The following DMRT1 variants were observed in gnomAD, a reference collection of about 807,000 sequenced individuals.
DMRT1 encodes doublesex and mab-3 related transcription factor 1, also known as doublesex- and mab-3-related transcription factor 1.
DMRT1 carries 7 observed loss-of-function variants against 32.3 expected under a neutral mutation model. That is an observed-to-expected ratio of 0.22 (90% confidence interval 0.12 to 0.41). The LOEUF (loss-of-function observed/expected upper bound fraction) is 0.41. Among genes scored for constraint, DMRT1 ranks in the 10% least tolerant of loss-of-function variants. DMRT1 has a pLI of 1.00. For missense variants in DMRT1, 625 were observed against 500.5 expected (o/e 1.25, Z -2.37); for synonymous variants, 278 against 206.1 (o/e 1.35, Z -2.99).
At chr9:962,800 G>A (rs576769201) in intron 4 of DMRT1, among the ~76,000 whole-genome samples, 8 of 152,248 alleles carry the variant, frequency 5.3e-5, no homozygotes, top group Non-Finnish European at 1.0e-4. Flanking sequence ...AAGTGGGGGA[G>A]TAAGTTTGAT....
chr9:966,309 C>CT (rs1349243940), intron 4 of DMRT1, among the ~76,000 whole-genome samples: 1 of 151,942 alleles, frequency 6.6e-6, no homozygotes, highest in Non-Finnish European at 1.5e-5. Context: ...CATATGCGTG[C>CT]TTTTTTGTTA....
At chr9:937,213 C>G (rs181060021) in intron 4 of DMRT1, among the ~76,000 whole-genome samples, 14 of 152,326 alleles carry the variant, frequency 9.2e-5, no homozygotes, top group Non-Finnish European at 1.3e-4. Context: ...ATTGCATTGC[C>G]TGTGTGCGCC....
chr9:855,310 A>C (rs1815351019), intron 2 of DMRT1, among the ~76,000 whole-genome samples: 1 of 152,226 alleles, frequency 6.6e-6, no homozygotes, highest in Non-Finnish European at 1.5e-5. Context: ...ACAGGGGTTA[A>C]AGTTACAAAT....
intron 2 of DMRT1, among the ~76,000 whole-genome samples, chr9:854,388 A>G (rs986093777): frequency 1.3e-5 from 2 of 152,102 alleles, no homozygotes; most frequent in African/African-American, 2.4e-5. Flanking sequence ...AGATCAAGTG[A>G]TTCTCGTGCC....
At chr9:877,760 C>T (rs571557739) in intron 2 of DMRT1, among the ~76,000 whole-genome samples, 1 of 152,284 alleles carries the variant, frequency 6.6e-6, no homozygotes, top group Non-Finnish European at 1.5e-5. Context: ...ATAAAGGGCT[C>T]CAGATAATTC....
chr9:958,592 C>G (rs1819670691), intron 4 of DMRT1, among the ~76,000 whole-genome samples: 1 of 152,204 alleles, frequency 6.6e-6, no homozygotes, highest in Admixed American at 6.5e-5. Flanking sequence ...GTCTCAAACT[C>G]CTGACCTCAG....
chr9:930,406 T>A (rs1322702474), intron 4 of DMRT1, among the ~76,000 whole-genome samples: 1 of 151,838 alleles, frequency 6.6e-6, no homozygotes, highest in Non-Finnish European at 1.5e-5. Context: ...CTATTTTTTT[T>A]ATTAAAAAAA....
chr9:857,645 C>T (rs979497043), intron 2 of DMRT1, among the ~76,000 whole-genome samples: 1 of 151,818 alleles, frequency 6.6e-6, no homozygotes, highest in African/African-American at 2.4e-5. Context: ...TATTATTATA[C>T]TTTAAGTTTT....
chr9:860,503 A>G (rs977811993), intron 2 of DMRT1, among the ~76,000 whole-genome samples: 2 of 151,964 alleles, frequency 1.3e-5, no homozygotes, highest in Admixed American at 6.6e-5. Context: ...TCGTTCAACA[A>G]ATGTTCATTC....
rs192506931 is a variant in DMRT1, at chr9:871,420, C to T, written c.539-22492C>T. Among the ~76,000 whole-genome samples, 726 of 151,034 alleles carry T rather than the reference C, an allele frequency of 4.8e-3. 7 individuals carry two copies. Among genetic ancestry groups the T allele is most frequent in the African/African-American group, 0.017 (692 of 41,034 alleles). On this transcript the variant is annotated intron_variant, in intron 2 of 4. Transcript: ENST00000382276. ...CAATCTCGGCTCACTGCAAGCTCCGCGTCCCGGGTTCACGCCATTCTCCTG... is the reference window on the plus strand; with the variant it reads ...CAATCTCGGCTCACTGCAAGCTCCGTGTCCCGGGTTCACGCCATTCTCCTG...
intron 2 of DMRT1, among the ~76,000 whole-genome samples, chr9:862,174 G>T (rs545352100): frequency 2.0e-5 from 3 of 150,802 alleles, no homozygotes; most frequent in Non-Finnish European, 3.0e-5. Flanking sequence ...AGGTTGTAGC[G>T]AGCCGAGATC....
At position 864,665 on chromosome 9, in the gene DMRT1, A is replaced by AT. The variant is rs5895868; in HGVS notation, c.538+17530dup. Among the ~76,000 whole-genome samples the AT allele has an allele frequency of 7.7e-3, 1,158 of 150,904 alleles. 17 individuals carry two copies. Among genetic ancestry groups the AT allele is most frequent in the Non-Finnish European group, 0.012 (820 of 67,760 alleles). ...AGGCGCCCGCCACCACGCCTGGCTA[A>AT]TTTTTTTTGTATTTTTAGTAGAGAC... On this transcript the variant is annotated intron_variant, in intron 2 of 4. Coordinates refer to ENST00000382276, the MANE Select transcript of DMRT1 (RefSeq NM_021951.3).
chr9:942,569 G>A (rs901297558), intron 4 of DMRT1, among the ~76,000 whole-genome samples: 2 of 152,110 alleles, frequency 1.3e-5, no homozygotes, highest in Non-Finnish European at 2.9e-5. Flanking sequence ...CACTGTGCCT[G>A]GCCTATTTTT....
chr9:951,248 A>C (rs952630874), intron 4 of DMRT1, among the ~76,000 whole-genome samples: 1 of 152,186 alleles, frequency 6.6e-6, no homozygotes, highest in Admixed American at 6.5e-5. Context: ...TTTGGCTGTA[A>C]GGACTACATT....
intron 2 of DMRT1, among the ~76,000 whole-genome samples, chr9:851,040 A>G (rs1213589741): frequency 1.9e-5 from 1 of 51,380 alleles, no homozygotes; most frequent in Non-Finnish European, 5.4e-5. Context: ...AAAAAAAAAA[A>G]AAAAAGAAAG....
rs745430195 is a variant in DMRT1, at chr9:905,473, C to CGT, written c.822+11278_822+11279insGT. Among the ~76,000 whole-genome samples, 560 of 143,578 alleles carry CGT rather than the reference C, an allele frequency of 3.9e-3. 4 individuals are homozygous for CGT. The highest frequency in any genetic ancestry group is 0.014 in the African/African-American group (494 of 35,966). 94.2% of individuals were successfully genotyped at this position (143,578 alleles called of 152,430 possible). A position where few individuals can be genotyped will look rare whatever the true frequency, so the allele number is the denominator to read the frequency against. On this transcript the variant is annotated intron_variant, in intron 3 of 4. Transcript: ENST00000382276. ...TTCGCTGTCTCCTCACTCCCTTGCC[C>CGT]CTGTGTGTGTGTGTCTGTGTGTGTG...
intron 2 of DMRT1, among the ~76,000 whole-genome samples, chr9:873,747 T>TG (rs150932812): frequency 0.028 from 4,246 of 152,262 alleles, 187 homozygotes; most frequent in African/African-American, 0.096. Context: ...TTTTAATAAC[T>TG]GGGGGAATGG....
chr9:897,779 T>A (rs2129648760), intron 3 of DMRT1, among the ~76,000 whole-genome samples: 1 of 152,156 alleles, frequency 6.6e-6, no homozygotes, highest in East Asian at 1.9e-4. Context: ...ATATGTATTT[T>A]CGTTAGCTAC....
intron 4 of DMRT1, among the ~76,000 whole-genome samples, chr9:934,817 C>T (rs1207181892): frequency 6.6e-6 from 1 of 152,152 alleles, no homozygotes; most frequent in Admixed American, 6.5e-5. Flanking sequence ...TTGACACTTT[C>T]GATGACTGTG....
Sources: gnomAD v4.1 joint callset for allele counts (sites outside exome capture counted in the v4.1 genomes callset) on GRCh38, gnomAD v4.1.1 for gene constraint, MANE v1.5 for transcripts, NCBI Gene and HGNC (gene_info 2026-07-23, HGNC 2026-07-21) for gene names.